RPTOR: variants seen among roughly 807,000 people sequenced by gnomAD.
RPTOR encodes regulatory-associated protein of mTOR.
A neutral mutation model predicts 169.9 loss-of-function variants in RPTOR; 21 were observed. The ratio of observed to expected loss-of-function variants is 0.12; its 90% confidence interval spans 0.09 to 0.18. The LOEUF (loss-of-function observed/expected upper bound fraction) is 0.18, where lower values mean the gene tolerates loss of function less well. Among genes scored for constraint, RPTOR ranks in the 10% least tolerant of loss-of-function variants. The probability of loss-of-function intolerance (pLI) is 1.00; values close to 1 mark genes in which losing one functional copy is unlikely to be tolerated. For missense variants in RPTOR, 1,133 were observed against 1,855.9 expected (o/e 0.61, Z 7.16); for synonymous variants, 732 against 753.2 (o/e 0.97, Z 0.46).
chr17:80,587,833 T>G (rs1247337932), intron 1 of RPTOR, among the ~76,000 whole-genome samples: 1 of 152,004 alleles, frequency 6.6e-6, no homozygotes, highest in Non-Finnish European at 1.5e-5. Context: ...AAATATATAG[T>G]GTTATTAACT....
At position 80,695,639 on chromosome 17, in the gene RPTOR, G is replaced by T. The variant is rs1337539901; in HGVS notation, c.349-12202G>T. Among the ~76,000 whole-genome samples the T allele has an allele frequency of 6.6e-6, 1 of 152,232 alleles. No individual in the cohort carries two copies. The highest frequency in any genetic ancestry group is 6.5e-5 in the Admixed American group (1 of 15,284). Reference sequence around the variant, plus strand: ...GATGACCTTGGGCTTCCTAGTCTCTGCACGTTACCCCGAATTCCAGAATAA... The same window carrying T: ...GATGACCTTGGGCTTCCTAGTCTCTTCACGTTACCCCGAATTCCAGAATAA... On this transcript the variant is annotated intron_variant, in intron 3 of 33. Coordinates refer to ENST00000306801, the MANE Select transcript of RPTOR (RefSeq NM_020761.3). The surrounding 1 kb of genome is among the most constrained non-coding windows in gnomAD (Gnocchi z 4.9).
chr17:80,776,526 A>G (rs1204234487), intron 6 of RPTOR, among the ~76,000 whole-genome samples: 2 of 152,030 alleles, frequency 1.3e-5, no homozygotes, highest in African/African-American at 2.4e-5. Context: ...GGGTTTCACC[A>G]TGCTGGCCGG....
At position 80,630,351 on chromosome 17, in the gene RPTOR, G is replaced by C. The variant is rs370465374; in HGVS notation, c.265+4558G>C. Among the ~76,000 whole-genome samples the C allele has an allele frequency of 9.2e-5, 14 of 152,316 alleles. No individual in the cohort carries two copies. The East Asian group carries it at 1.7e-3, about 19-fold the overall frequency. On this transcript the variant is annotated intron_variant, in intron 2 of 33. Transcript: ENST00000306801. ...GGGGTTAGAATTTGTTGTTGTAATG[G>C]TTATACCCACTGCAACAGCACTCTT...
At chr17:80,952,770 G>A (rs1462209814) in intron 28 of RPTOR, among the ~76,000 whole-genome samples, 15 of 151,858 alleles carry the variant, frequency 9.9e-5, no homozygotes, top group African/African-American at 3.2e-4. Flanking sequence ...TGCCTGGGAC[G>A]TGGCTGCTGC....
In RPTOR at chr17:80,957,479, T is replaced by G; in HGVS notation, c.3371-145T>G. 2.8e-6 allele frequency: 2 copies of G among 717,266 alleles called. No homozygotes were observed. Among genetic ancestry groups the G allele is most frequent in the Non-Finnish European group, 5.0e-6 (2 of 401,556 alleles). The allele number at this position is 717,266 out of a possible 1,614,324, so 44.4% of individuals were successfully genotyped here. On this transcript the variant is annotated intron_variant, in intron 28 of 33. Coordinates refer to ENST00000306801, the MANE Select transcript of RPTOR (RefSeq NM_020761.3). The surrounding 1 kb of genome is among the most constrained non-coding windows in gnomAD (Gnocchi z 4.6). ...CCAGGGTCCCTAGCGGGAGCTCATA[T>G]GAGGCATATGGACCCACCAGATGGG... is the stretch of plus-strand genomic sequence containing the variant.
chr17:80,807,564 C>G (rs918460921), intron 7 of RPTOR, among the ~76,000 whole-genome samples: 4 of 152,194 alleles, frequency 2.6e-5, no homozygotes, highest in Non-Finnish European at 4.4e-5. Context: ...GTTGGCCAGG[C>G]TGGTCTTGAA....
At chr17:80,797,538 T>G (rs2067113076) in intron 7 of RPTOR, among the ~76,000 whole-genome samples, 1 of 152,214 alleles carries the variant, frequency 6.6e-6, no homozygotes, top group Non-Finnish European at 1.5e-5. Context: ...CTGCCTTGGC[T>G]TCCCAAAGTG....
chr17:80,769,778 C>T (rs2066823358), intron 6 of RPTOR, among the ~76,000 whole-genome samples: 1 of 152,230 alleles, frequency 6.6e-6, no homozygotes, highest in South Asian at 2.1e-4. Flanking sequence ...GGCCTGAACG[C>T]ATCTCGACCA....
At chr17:80,964,195 G>GT in intron 33 of RPTOR, 67 bp from the exon 34 acceptor site, 2 of 1,105,618 alleles carry the variant, frequency 1.8e-6, no homozygotes, top group Non-Finnish European at 2.7e-6. Flanking sequence ...GTTGGCCTGC[G>GT]CCCCCCCGCC....
intron 20 of RPTOR, among the ~76,000 whole-genome samples, chr17:80,894,764 C>T (rs112664317): frequency 1.3e-5 from 2 of 150,660 alleles, no homozygotes; most frequent in Non-Finnish European, 3.0e-5. Flanking sequence ...AAGAGCGCTG[C>T]GTGTGTGTGT....
intron 28 of RPTOR, among the ~76,000 whole-genome samples, chr17:80,954,350 G>A (rs2069221298): frequency 6.6e-6 from 1 of 152,134 alleles, no homozygotes. Context: ...TCGAACTCCT[G>A]ACCTCAGGTG....
At chr17:80,669,501 C>T (rs1250078116) in intron 3 of RPTOR, among the ~76,000 whole-genome samples, 2 of 152,380 alleles carry the variant, frequency 1.3e-5, no homozygotes, top group South Asian at 4.1e-4. Flanking sequence ...TCTCCTGCCT[C>T]AGCCTCCCGG....
At chr17:80,821,741 C>T (rs1239733149) in intron 7 of RPTOR, among the ~76,000 whole-genome samples, 4 of 152,204 alleles carry the variant, frequency 2.6e-5, no homozygotes, top group Non-Finnish European at 5.9e-5. Context: ...GTATCAGCTG[C>T]GTGTTGAATA....
In RPTOR at chr17:80,889,850, GGCCCCC is replaced by G. The variant is rs1196947357; in HGVS notation, c.1984-1868_1984-1863del. ...AGCAGGATGTGCGGCCTCCGAGGGA[GGCCCCC>G]GTATGCAGCAGGATGTGCGGCCTCC... On this transcript the variant is annotated intron_variant, in intron 17 of 33. Transcript: ENST00000306801. Among the ~76,000 whole-genome samples, 882 of 125,476 alleles carry G rather than the reference GGCCCCC, an allele frequency of 7.0e-3. 54 individuals are homozygous for G. The highest frequency in any genetic ancestry group is 0.023 in the African/African-American group (815 of 34,740). 82.3% of individuals were successfully genotyped at this position (125,476 alleles called of 152,430 possible).
At chr17:80,940,906 C>T (rs1414258727) in intron 25 of RPTOR, among the ~76,000 whole-genome samples, 1 of 152,220 alleles carries the variant, frequency 6.6e-6, no homozygotes, top group African/African-American at 2.4e-5. Flanking sequence ...GCAAGGGCAG[C>T]CCTCAGCCCT....
intron 3 of RPTOR, among the ~76,000 whole-genome samples, chr17:80,647,738 C>T (rs2065607777): frequency 6.6e-6 from 1 of 152,154 alleles, no homozygotes; most frequent in Non-Finnish European, 1.5e-5. Context: ...AGGCGCTCCT[C>T]AGTCATGGAG....
chr17:80,964,393 C>T lies in RPTOR; in HGVS notation c.*63C>T, dbSNP rs1354408374. On this transcript the variant is annotated 3_prime_UTR_variant, in exon 34 of 34. Coordinates refer to ENST00000306801, the MANE Select transcript of RPTOR (RefSeq NM_020761.3). ...TGTACATAGTGAAGCTGTCACTCGC[C>T]GGGGCACGGGGCGTCGGCTGCTGCG... is the stretch of plus-strand genomic sequence containing the variant. 30 of 1,530,538 alleles carry T rather than the reference C, an allele frequency of 2.0e-5. No individual in the cohort carries two copies. The highest frequency in any genetic ancestry group is 1.0e-4 in the Admixed American group (6 of 59,610). The allele number at this position is 1,530,538 out of a possible 1,614,324, so 94.8% of individuals were successfully genotyped here.
intron 31 of RPTOR, chr17:80,961,803 C>G (rs549565752): frequency 3.0e-6 from 1 of 333,140 alleles, no homozygotes; most frequent in Admixed American, 4.5e-5. Context: ...GGCGGCGCGT[C>G]TGCCAGGCAC....
chr17:80,602,812 T>C (rs1001288337), intron 1 of RPTOR: 1 of 675,618 alleles, frequency 1.5e-6, no homozygotes, highest in Non-Finnish European at 2.7e-6. Flanking sequence ...GCACGCTTCA[T>C]GAAGCCCACT....
Sources: gnomAD v4.1 joint callset for allele counts (sites outside exome capture counted in the v4.1 genomes callset) on GRCh38, gnomAD v4.1.1 for gene constraint, Gnocchi (gnomAD v3.1) non-coding constraint, MANE v1.5 for transcripts, NCBI Gene and HGNC (gene_info 2026-07-23, HGNC 2026-07-21) for gene names.